The following AK7 variants were observed in gnomAD, a reference collection of about 807,000 sequenced individuals.
AK7 encodes adenylate kinase 7, also known as ATP-AMP transphosphorylase 7.
A neutral mutation model predicts 96.6 loss-of-function variants in AK7; 78 were observed. The observed-to-expected ratio is 0.81, with a 90% CI of 0.67 to 0.97. AK7 has a LOEUF of 0.97. Ranked by LOEUF, AK7 falls within the 50% of genes least tolerant of loss-of-function variation. AK7 has a pLI of 0.00. For missense variants in AK7, 855 were observed against 887.9 expected, an observed-to-expected ratio of 0.96 and a Z score of 0.47; for synonymous variants, 302 against 317.2, an observed-to-expected ratio of 0.95 and a Z score of 0.51.
intron 8 of AK7, among the ~76,000 whole-genome samples, chr14:96,448,516 T>A (rs962775980): frequency 6.6e-6 from 1 of 150,552 alleles, no homozygotes; most frequent in South Asian, 2.1e-4. Context: ...TATAGTTCCA[T>A]GTACTTGAGA....
At chr14:96,444,814 T>G (rs926413853) in intron 7 of AK7, among the ~76,000 whole-genome samples, 1 of 151,672 alleles carries the variant, frequency 6.6e-6, no homozygotes, top group Admixed American at 6.6e-5. Context: ...GCCTCCTGGG[T>G]TCAAGCGATT....
At position 96,478,501 on chromosome 14, in the gene AK7, T is replaced by C. The variant is rs774455113; in HGVS notation, c.1592T>C (p.Leu531Pro). 1.1e-5 allele frequency: 18 copies of C among 1,614,062 alleles called. No homozygotes were observed. In the Admixed American group the frequency reaches 3.0e-4, roughly 27 times the overall value. ...VCALDASDEF[L>P]KERVINLPES... is the part of the protein sequence containing the mutation. ...GCACTGGATGCTTCGGATGAGTTTC[T>C]GAAGGAGCGTGTGATAAACCTTCCT... The change falls in exon 15 of 18, where the codon CTG becomes CCG. Residue 531 changes from leucine to proline, a missense_variant. Leu to Pro is a moderately conservative substitution (Grantham distance 98). Coordinates refer to ENST00000267584, the MANE Select transcript of AK7 (RefSeq NM_152327.5).
chr14:96,441,851 C>T (rs1892978211), intron 6 of AK7, among the ~76,000 whole-genome samples: 1 of 151,974 alleles, frequency 6.6e-6, no homozygotes, highest in African/African-American at 2.4e-5. Context: ...CCACTCCCTG[C>T]ACTTCCCACC....
chr14:96,407,580 C>CTTTTTTTTTTTTTT (rs11364736), intron 3 of AK7, among the ~76,000 whole-genome samples: 1 of 60,308 alleles, frequency 1.7e-5, no homozygotes, highest in African/African-American at 4.8e-5. Flanking sequence ...TCTTTCTTTT[C>CTTTTTTTTTTTTTT]TTTTTTTTTT....
chr14:96,400,434 A>G, intron 2 of AK7, among the ~76,000 whole-genome samples: 1 of 152,352 alleles, frequency 6.6e-6, no homozygotes, highest in African/African-American at 2.4e-5. Flanking sequence ...CATGTAATAG[A>G]AAACAGAGGT....
chr14:96,393,996 C>A (rs1365987877), intron 1 of AK7, among the ~76,000 whole-genome samples: 2 of 152,062 alleles, frequency 1.3e-5, no homozygotes, highest in African/African-American at 4.8e-5. Context: ...ATAATCTCAG[C>A]TGCTCTGGAG....
intron 5 of AK7, among the ~76,000 whole-genome samples, chr14:96,425,991 A>C (rs765697428): frequency 6.6e-6 from 1 of 152,010 alleles, no homozygotes; most frequent in Non-Finnish European, 1.5e-5. Context: ...TTGATTAGAG[A>C]ATTTAGTCCA....
intron 15 of AK7, among the ~76,000 whole-genome samples, chr14:96,479,997 T>C (rs558388907): frequency 1.1e-4 from 17 of 152,072 alleles, no homozygotes; most frequent in Non-Finnish European, 1.9e-4. Flanking sequence ...ATCTGTGAAA[T>C]AGGAAAATAA....
At chr14:96,480,966 A>C (rs1895472078) in intron 15 of AK7, among the ~76,000 whole-genome samples, 1 of 152,168 alleles carries the variant, frequency 6.6e-6, no homozygotes, top group Admixed American at 6.5e-5. Flanking sequence ...TCCTCTCATC[A>C]GCTCTGGACT....
intron 4 of AK7, among the ~76,000 whole-genome samples, chr14:96,411,384 G>T (rs143635695): frequency 2.7e-5 from 4 of 150,660 alleles, no homozygotes; most frequent in Non-Finnish European, 4.4e-5. Flanking sequence ...GGTGGTACGC[G>T]CCTGTAGTCC....
chr14:96,396,849 A>C (rs1330548819), intron 1 of AK7, among the ~76,000 whole-genome samples: 1 of 152,262 alleles, frequency 6.6e-6, no homozygotes, highest in African/African-American at 2.4e-5. Flanking sequence ...GCCACTGGCC[A>C]CATGTAGCCA....
intron 6 of AK7, 47 bp from the exon 7 acceptor site, chr14:96,442,683 C>T (rs1473018527): frequency 6.4e-6 from 9 of 1,399,350 alleles, no homozygotes; most frequent in South Asian, 1.2e-5. Context: ...CTGTAATAGC[C>T]ATCCACATAT....
Position 96,437,859 on chromosome 14 carries a change from G to T in AK7, c.634G>T (p.Val212Phe), listed in dbSNP as rs757826277. Residue 212 changes from valine to phenylalanine, a missense_variant, in exon 6 of 18, where the codon GTT becomes TTT. Transcript: ENST00000267584. ...GGCCAGAAAATTTGCAGCATACGTAGTTGCTGCTGGACTCCAGTATGGAGC... is the reference window on the plus strand; with the variant it reads ...GGCCAGAAAATTTGCAGCATACGTATTTGCTGCTGGACTCCAGTATGGAGC... The part of the protein sequence containing the change: ...KKARKFAAYV[V>F]AAGLQYGAEG... 3.7e-6 allele frequency: 6 copies of T among 1,611,830 alleles called. No homozygotes were observed. The highest frequency in any genetic ancestry group is 5.1e-6 in the Non-Finnish European group (6 of 1,179,054).
At chr14:96,447,753 G>C (rs1270879631) in intron 8 of AK7, among the ~76,000 whole-genome samples, 1 of 152,108 alleles carries the variant, frequency 6.6e-6, no homozygotes, top group Non-Finnish European at 1.5e-5. Context: ...GCCTCTGAAA[G>C]TGCTAGGATT....
chr14:96,418,337 AGG>A (rs1891472747), intron 4 of AK7, among the ~76,000 whole-genome samples: 3 of 146,948 alleles, frequency 2.0e-5, no homozygotes, highest in East Asian at 2.0e-4. Flanking sequence ...AAAAAAAAAA[AGG>A]CTTCAAATCC....
chr14:96,442,596 A>G, intron 6 of AK7, 134 bp from the exon 7 acceptor site: 1 of 746,048 alleles, frequency 1.3e-6, no homozygotes, highest in South Asian at 1.6e-5. Context: ...CTGATTTATA[A>G]AACACCCCCT....
In AK7 at chr14:96,465,470, A is replaced by T. The variant is rs114764529; in HGVS notation, c.1358-6008A>T. On this transcript the variant is annotated intron_variant, in intron 12 of 17. Coordinates refer to ENST00000267584, the MANE Select transcript of AK7 (RefSeq NM_152327.5). ...AGAGCGAAGACTCCGTTTAAAAAAA[A>T]AAAAGGCTAAAAATACATTAATTCT... is the stretch of plus-strand genomic sequence containing the variant. 6.6e-3 allele frequency among the ~76,000 whole-genome samples: 1,009 copies of T among 152,144 alleles called. 10 individuals are homozygous for T. The highest frequency in any genetic ancestry group is 0.023 in the African/African-American group (943 of 41,470).
At chr14:96,468,164 G>T (rs1230335593) in intron 12 of AK7, among the ~76,000 whole-genome samples, 1 of 145,554 alleles carries the variant, frequency 6.9e-6, no homozygotes, top group Admixed American at 6.9e-5. Flanking sequence ...GCCACAGTGA[G>T]CCAAGATCCC....
intron 7 of AK7, among the ~76,000 whole-genome samples, chr14:96,445,589 G>A (rs1045820046): frequency 2.0e-5 from 3 of 152,162 alleles, no homozygotes. Context: ...GACCCTGGGA[G>A]TTTGAGGCTG....
Sources: gnomAD v4.1 joint callset for allele counts (sites outside exome capture counted in the v4.1 genomes callset) on GRCh38, gnomAD v4.1.1 for gene constraint, MANE v1.5 for transcripts, NCBI Gene and HGNC (gene_info 2026-07-23, HGNC 2026-07-21) for gene names.